VAC14: variants seen among roughly 807,000 people sequenced by gnomAD.
The protein encoded by VAC14 is VAC14 component of PIKFYVE complex.
A neutral mutation model predicts 85.3 loss-of-function variants in VAC14; 47 were observed. The observed-to-expected ratio is 0.55, with a 90% confidence interval of 0.44 to 0.70. VAC14 has a LOEUF of 0.70. VAC14 is among the 30% of genes least tolerant of loss of function. The pLI, the probability that VAC14 is intolerant of heterozygous loss-of-function variation, is 0.00. For synonymous variants in VAC14, 447 were observed against 430.5 expected (o/e 1.04, Z -0.47); for missense variants, 861 against 1,004.3 (o/e 0.86, Z 1.93).
chr16:70,777,269 G>A (rs2033568373), intron 9 of VAC14, among the ~76,000 whole-genome samples: 1 of 152,182 alleles, frequency 6.6e-6, no homozygotes, highest in Admixed American at 6.5e-5. Flanking sequence ...AAACAACACT[G>A]AAGCACCCGT....
chr16:70,797,155 T>C (rs1468877549), intron 1 of VAC14, among the ~76,000 whole-genome samples: 1 of 152,236 alleles, frequency 6.6e-6, no homozygotes, highest in Non-Finnish European at 1.5e-5. Context: ...TGGCAGGCTA[T>C]GTTATTTTGT....
chr16:70,731,687 A>G (rs1343991184), intron 13 of VAC14, 60 bp from the exon 14 acceptor site: 73 of 1,561,610 alleles, frequency 4.7e-5, no homozygotes, highest in Non-Finnish European at 6.1e-5. Context: ...GGGTGATGAG[A>G]TCCACACAGA....
intron 18 of VAC14, chr16:70,689,666 C>T: frequency 1.0e-6 from 1 of 985,670 alleles, no homozygotes; most frequent in Non-Finnish European, 1.2e-6. Context: ...GCGGCTGCTG[C>T]TTTTCTGGGC....
chr16:70,692,011 G>A (rs1383629237), intron 18 of VAC14: 60 of 984,682 alleles, frequency 6.1e-5, no homozygotes, highest in Non-Finnish European at 7.0e-5. Context: ...TCCATTCAGC[G>A]TAAATCTTCT....
Position 70,781,912 on chromosome 16 carries a change from C to T in VAC14, c.903G>A (p.Leu301=). ...RVMLPYSSGI[L]TAVLPCLAYD... is the part of the protein sequence containing the mutation. ...AGGCCAAGCAGGGCAAGACAGCAGT[C>T]AGGATCCCGGAGGAGTAAGGCAGCA... is the stretch of plus-strand genomic sequence containing the variant. Residue 301 remains leucine, a synonymous_variant, in exon 8 of 19, where the codon CTG becomes CTA. Coordinates refer to ENST00000261776, the MANE Select transcript of VAC14 (RefSeq NM_018052.5). 6.2e-7 allele frequency: 1 copy of T among 1,614,150 alleles called. No homozygotes were observed. Among genetic ancestry groups the T allele is most frequent in the South Asian group, 1.1e-5 (1 of 91,088 alleles).
At chr16:70,743,836 C>T (rs1365387937) in intron 13 of VAC14, among the ~76,000 whole-genome samples, 1 of 152,214 alleles carries the variant, frequency 6.6e-6, no homozygotes, top group Non-Finnish European at 1.5e-5. Context: ...TCCAGGACTG[C>T]ATTGCCAGAG....
At chr16:70,795,160 C>A (rs1242844686) in intron 1 of VAC14, among the ~76,000 whole-genome samples, 1 of 152,184 alleles carries the variant, frequency 6.6e-6, no homozygotes, top group African/African-American at 2.4e-5. Context: ...TGCCCAACAA[C>A]ACACTTCTCA....
intron 18 of VAC14, chr16:70,689,637 C>G: frequency 3.0e-6 from 3 of 985,744 alleles, no homozygotes; most frequent in Non-Finnish European, 3.6e-6. Flanking sequence ...CAGAAAACAT[C>G]TTGGACATGT....
At chr16:70,777,741 T>C (rs562663963) in intron 9 of VAC14, among the ~76,000 whole-genome samples, 1 of 152,274 alleles carries the variant, frequency 6.6e-6, no homozygotes, top group East Asian at 1.9e-4. Flanking sequence ...ACAAAGGTTC[T>C]TGCCCGGAGG....
In VAC14 at chr16:70,784,229, C is replaced by A. The variant is rs778915377; in HGVS notation, c.487-9G>T. On this transcript the variant is annotated splice_polypyrimidine_tract_variant and intron_variant, in intron 4 of 18. Coordinates refer to ENST00000261776, the MANE Select transcript of VAC14 (RefSeq NM_018052.5). ...CTCTCAGTCACAATGTCCTGTGGAT[C>A]AGAGGAAAGTGAGCTGCCGAGAGCC... The A allele has an allele frequency of 8.1e-6, 13 of 1,612,892 alleles. No homozygotes were observed. The highest frequency in any genetic ancestry group is 1.0e-5 in the Non-Finnish European group (12 of 1,178,974).
chr16:70,756,791 C>T (rs1228138890), intron 12 of VAC14, among the ~76,000 whole-genome samples: 2 of 152,170 alleles, frequency 1.3e-5, no homozygotes, highest in Non-Finnish European at 2.9e-5. Context: ...ACAAAAGCTC[C>T]TTTTCAGATG....
intron 6 of VAC14, 38 bp from the exon 7 acceptor site, chr16:70,783,177 C>G (rs2033892800): frequency 6.3e-7 from 1 of 1,598,632 alleles, no homozygotes; most frequent in Non-Finnish European, 8.5e-7. Flanking sequence ...CAGCGAGGGT[C>G]AGCCAGGGCT....
At chr16:70,773,073 CG>C (rs1567592174) in intron 9 of VAC14, 1 of 152,066 alleles carries the variant, frequency 6.6e-6, no homozygotes, top group African/African-American at 2.4e-5. Context: ...CTGGAGGAGA[CG>C]GGGGAATAGG....
chr16:70,771,590 CT>C (rs869104455), intron 10 of VAC14: 537 of 140,826 alleles, frequency 3.8e-3, no homozygotes, highest in Admixed American at 4.1e-3. Flanking sequence ...TCTTTCATTC[CT>C]TTTTTTTTTT....
intron 12 of VAC14, among the ~76,000 whole-genome samples, chr16:70,753,877 A>G (rs1356794960): frequency 2.0e-5 from 3 of 152,108 alleles, no homozygotes; most frequent in African/African-American, 2.4e-5. Context: ...GAGAGCGCCC[A>G]TTCCTGCCTC....
chr16:70,712,035 C>T (rs986098042), intron 14 of VAC14, among the ~76,000 whole-genome samples: 33 of 152,108 alleles, frequency 2.2e-4, no homozygotes, highest in Non-Finnish European at 4.6e-4. Context: ...CAGTTATTCT[C>T]GGCCAAATGG....
intron 1 of VAC14, among the ~76,000 whole-genome samples, chr16:70,795,494 T>TAAAAAAAA (rs71153603): frequency 1.1e-5 from 1 of 91,930 alleles, no homozygotes; most frequent in Non-Finnish European, 2.1e-5. Flanking sequence ...AGACTCTGTC[T>TAAAAAAAA]AAAAAAAAAA....
intron 16 of VAC14, among the ~76,000 whole-genome samples, chr16:70,696,330 T>C (rs1013487498): frequency 6.6e-6 from 1 of 152,152 alleles, no homozygotes; most frequent in Non-Finnish European, 1.5e-5. Flanking sequence ...CTGGCCAACA[T>C]GGTGAGACCC....
chr16:70,712,997 A>G (rs1049267976), intron 14 of VAC14, among the ~76,000 whole-genome samples: 2 of 152,180 alleles, frequency 1.3e-5, no homozygotes, highest in Non-Finnish European at 2.9e-5. Flanking sequence ...CAATGGAAAC[A>G]TGCATTTTAC....
Sources: allele counts gnomAD v4.1 joint callset (sites outside exome capture counted in the v4.1 genomes callset), GRCh38; gene constraint gnomAD v4.1.1; transcripts MANE v1.5; gene names NCBI Gene and HGNC (gene_info 2026-07-23, HGNC 2026-07-21).